The following ADAMTS12 variants were observed in gnomAD, a reference collection of about 807,000 sequenced individuals.
ADAMTS12 encodes A disintegrin and metalloproteinase with thrombospondin motifs 12.
A neutral mutation model predicts 167.8 loss-of-function variants in ADAMTS12; 118 were observed. The ratio of observed to expected loss-of-function variants is 0.70; its 90% CI spans 0.61 to 0.82. ADAMTS12 has a LOEUF of 0.82. Ranked by LOEUF, ADAMTS12 falls within the 40% of genes least tolerant of loss-of-function variation. The pLI is 0.00. For synonymous variants in ADAMTS12, 704 were observed against 716.9 expected, an observed-to-expected ratio of 0.98 and a Z score of 0.29; for missense variants, 1,916 against 1,998.8, an observed-to-expected ratio of 0.96 and a Z score of 0.79.
intron 3 of ADAMTS12, among the ~76,000 whole-genome samples, chr5:33,711,615 G>A (rs1000558050): frequency 6.6e-6 from 1 of 152,028 alleles, no homozygotes; most frequent in Non-Finnish European, 1.5e-5. Context: ...AAACACACAA[G>A]CAACATCCTC....
Position 33,523,619 on chromosome 5 carries a change from C to T in ADAMTS12, c.*3569G>A, listed in dbSNP as rs2111693311. 1 of 152,102 alleles carries T rather than the reference C, an allele frequency of 6.6e-6. No individual in the cohort carries two copies. The highest frequency in any genetic ancestry group is 1.9e-4 in the East Asian group (1 of 5,188). 9.4% of individuals were successfully genotyped at this position (152,102 alleles called of 1,614,324 possible). A position where few individuals can be genotyped will look rare whatever the true frequency, so the allele number is the denominator to read the frequency against. The stretch of plus-strand genomic sequence containing the variant: ...AGTACTGAAATATCCACCAAGGTAC[C>T]CCTTGAGGAGGCTGGGTAGAAGGGG... On this transcript the variant is annotated 3_prime_UTR_variant, in exon 24 of 24. Transcript: ENST00000504830.
intron 17 of ADAMTS12, among the ~76,000 whole-genome samples, chr5:33,595,171 CT>C (rs1292012330): frequency 6.6e-6 from 1 of 150,744 alleles, no homozygotes; most frequent in African/African-American, 2.4e-5. Flanking sequence ...TTTTCTCTCT[CT>C]TTTTTTTAAA....
intron 6 of ADAMTS12, among the ~76,000 whole-genome samples, chr5:33,660,522 G>A (rs1298425030): frequency 6.6e-6 from 1 of 152,162 alleles, no homozygotes; most frequent in Admixed American, 6.5e-5. Context: ...ATTTCTTCAG[G>A]TGAGAATGAC....
intron 3 of ADAMTS12, among the ~76,000 whole-genome samples, chr5:33,712,271 G>A (rs1051411505): frequency 7.2e-5 from 11 of 152,078 alleles, no homozygotes; most frequent in Non-Finnish European, 1.2e-4. Context: ...TCAATTAACA[G>A]CCAAGGCAGC....
Position 33,573,561 on chromosome 5 carries a change from C to G in ADAMTS12, c.3972+2493G>C, listed in dbSNP as rs1183122. Among the ~76,000 whole-genome samples the G allele has an allele frequency of 3.1e-3, 469 of 152,004 alleles. 2 individuals are homozygous for G. The highest frequency in any genetic ancestry group is 5.8e-3 in the Admixed American group (89 of 15,284). ...TAGCCATATGTAGAAAGCTGAAACT[C>G]GATCCCTTCCTTACACCTTATACAA... On this transcript the variant is annotated intron_variant, in intron 19 of 23. Transcript: ENST00000504830.
At chr5:33,765,432 T>C (rs1387632694) in intron 2 of ADAMTS12, among the ~76,000 whole-genome samples, 1 of 152,214 alleles carries the variant, frequency 6.6e-6, no homozygotes, top group Non-Finnish European at 1.5e-5. Context: ...TTGTTTGTAA[T>C]CCAAAATCTA....
chr5:33,644,849 A>G (rs6887739), intron 9 of ADAMTS12, among the ~76,000 whole-genome samples: 85,980 of 151,230 alleles, frequency 0.57, 24,973 homozygotes, highest in East Asian at 0.67. Context: ...TCCTGCCTCA[A>G]CCTACTGAGT....
At chr5:33,843,983 C>A (rs776123917) in intron 2 of ADAMTS12, among the ~76,000 whole-genome samples, 12 of 152,188 alleles carry the variant, frequency 7.9e-5, no homozygotes, top group African/African-American at 2.7e-4. Context: ...TATTAGTTCC[C>A]CAAATTAATA....
chr5:33,664,529 G>A (rs900956765), intron 5 of ADAMTS12, among the ~76,000 whole-genome samples: 1 of 152,126 alleles, frequency 6.6e-6, no homozygotes, highest in African/African-American at 2.4e-5. Flanking sequence ...ACATACAAAT[G>A]GCCAACAGAT....
intron 2 of ADAMTS12, among the ~76,000 whole-genome samples, chr5:33,771,862 G>T (rs538787514): frequency 0.012 from 1,768 of 142,406 alleles, 14 homozygotes; most frequent in Non-Finnish European, 0.019. Flanking sequence ...ACAAGGTCTT[G>T]CTCTGTCACC....
intron 3 of ADAMTS12, among the ~76,000 whole-genome samples, chr5:33,731,718 T>C (rs1446040507): frequency 6.6e-6 from 1 of 152,188 alleles, no homozygotes; most frequent in Non-Finnish European, 1.5e-5. Flanking sequence ...AGGAACACGA[T>C]GCTCTGGCTG....
rs1750422049 is a variant in ADAMTS12, at chr5:33,881,135, C to T, written c.473G>A (p.Ser158Asn). The stretch of plus-strand genomic sequence containing the variant: ...CACACTCACCAGTCCATGGCAGGCA[C>T]TGAGGGCTGCCGTCCCAACTCTGGT... The part of the protein sequence containing the change: ...QGTRVGTAAL[S>N]ACHGLTGFFQ... The change falls in exon 2 of 24, where the codon AGT becomes AAT. Residue 158 changes from serine (S) to asparagine (N), a missense_variant. Transcript: ENST00000504830. 1.2e-6 allele frequency: 2 copies of T among 1,613,534 alleles called. No individual in the cohort carries two copies. The highest frequency in any genetic ancestry group is 2.7e-5 in the African/African-American group (2 of 74,902).
intron 2 of ADAMTS12, among the ~76,000 whole-genome samples, chr5:33,781,762 T>C (rs1297401647): frequency 1.3e-5 from 2 of 152,082 alleles, no homozygotes; most frequent in East Asian, 1.9e-4. Context: ...TAGTTACATA[T>C]GTATACATGT....
chr5:33,539,876 G>A (rs1291289818), intron 22 of ADAMTS12, among the ~76,000 whole-genome samples: 1 of 152,168 alleles, frequency 6.6e-6, no homozygotes, highest in Non-Finnish European at 1.5e-5. Context: ...AGCTCCCAGC[G>A]AGATCGACAC....
chr5:33,601,740 C>T (rs770876073), intron 16 of ADAMTS12, among the ~76,000 whole-genome samples: 1 of 152,100 alleles, frequency 6.6e-6, no homozygotes, highest in Non-Finnish European at 1.5e-5. Context: ...TTTGTTGAAA[C>T]CTATACCTCT....
At chr5:33,534,788 T>C (rs1744290281) in intron 23 of ADAMTS12, 45 bp downstream of exon 23, 3 of 1,572,718 alleles carry the variant, frequency 1.9e-6, no homozygotes, top group African/African-American at 2.7e-5. Context: ...CAGGATGACA[T>C]TTGTGCAAAG....
intron 2 of ADAMTS12, among the ~76,000 whole-genome samples, chr5:33,823,212 G>T (rs1579965968): frequency 6.6e-6 from 1 of 152,066 alleles, no homozygotes; most frequent in East Asian, 1.9e-4. Flanking sequence ...ACAACTGAGA[G>T]CTTTTCTCCC....
rs558616058 is a variant in ADAMTS12 at position 33,628,816 on chromosome 5, A to G, written c.2022+1964T>C. On this transcript the variant is annotated intron_variant, in intron 13 of 23. Coordinates refer to ENST00000504830, the MANE Select transcript of ADAMTS12 (RefSeq NM_030955.4). ...TGATTTGACACCATTTTTTCAGCTT[A>G]AAAACTCAAACCAGTGTGCTATAGA... 3.1e-4 allele frequency among the ~76,000 whole-genome samples: 47 copies of G among 152,308 alleles called. No individual in the cohort carries two copies. The South Asian group carries it at 6.6e-3, about 22-fold the overall frequency.
intron 3 of ADAMTS12, among the ~76,000 whole-genome samples, chr5:33,733,648 T>C (rs1744270822): frequency 6.6e-6 from 1 of 152,162 alleles, no homozygotes; most frequent in African/African-American, 2.4e-5. Context: ...CAAACAAACA[T>C]GGCCGTGCTT....
Sources: gnomAD v4.1 joint callset for allele counts (sites outside exome capture counted in the v4.1 genomes callset) on GRCh38, gnomAD v4.1.1 for gene constraint, MANE v1.5 for transcripts, NCBI Gene and HGNC (gene_info 2026-07-23, HGNC 2026-07-21) for gene names.